Variants in KCNB2 observed in about 807,000 individuals in gnomAD.
The protein encoded by KCNB2 is potassium voltage-gated channel subfamily B member 2.
In KCNB2, 15 loss-of-function variants were observed where a neutral mutation model predicts 61.5. The ratio of observed to expected loss-of-function variants is 0.24; its 90% CI spans 0.16 to 0.38. The LOEUF is 0.38. KCNB2 is among the 10% of genes least tolerant of loss of function. The pLI is 1.00. For synonymous variants in KCNB2, 457 were observed against 446.0 expected, an observed-to-expected ratio of 1.02 and a Z score of -0.31; for missense variants, 828 against 1,125.2, an observed-to-expected ratio of 0.74 and a Z score of 3.78.
chr8:72,638,829 A>G (rs900819974), intron 2 of KCNB2, among the ~76,000 whole-genome samples: 13 of 152,152 alleles, frequency 8.5e-5, no homozygotes, highest in Non-Finnish European at 1.8e-4. Context: ...CTTTCCCACT[A>G]CATTGCATTG....
chr8:72,593,076 A>G (rs1171635239), intron 2 of KCNB2, among the ~76,000 whole-genome samples: 4 of 152,180 alleles, frequency 2.6e-5, no homozygotes, highest in African/African-American at 9.7e-5. Flanking sequence ...ATATAAAAGG[A>G]AATTTGCTTT....
chr8:72,653,720 T>G (rs528587019), intron 2 of KCNB2, among the ~76,000 whole-genome samples: 1 of 152,298 alleles, frequency 6.6e-6, no homozygotes, highest in East Asian at 1.9e-4. Flanking sequence ...ACAGCAAAGT[T>G]GAATCGTCAT....
chr8:72,769,696 C>A (rs1428726199), intron 2 of KCNB2, among the ~76,000 whole-genome samples: 1 of 152,060 alleles, frequency 6.6e-6, no homozygotes, highest in African/African-American at 2.4e-5. Context: ...CTGCATGCCT[C>A]CTGTGGAGTT....
intron 2 of KCNB2, among the ~76,000 whole-genome samples, chr8:72,804,272 A>G (rs2128999960): frequency 6.6e-6 from 1 of 152,294 alleles, no homozygotes; most frequent in Middle Eastern, 3.4e-3. Context: ...GAGCAAGTAT[A>G]CCTGCCTTCC....
At position 72,792,815 on chromosome 8, in the gene KCNB2, C is replaced by T. The variant is rs186943932; in HGVS notation, c.580-143120C>T. Among the ~76,000 whole-genome samples, 1,308 of 152,270 alleles carry T rather than the reference C, an allele frequency of 8.6e-3. 9 individuals are homozygous for T. Among genetic ancestry groups the T allele is most frequent in the Middle Eastern group, 0.024 (7 of 294 alleles). On this transcript the variant is annotated intron_variant, in intron 2 of 2. Transcript: ENST00000523207. ...ACCCAGTTAAGTATCTTACCTTGAT[C>T]TTTTATATAATGTCAGCCATATGGA...
chr8:72,808,902 G>T (rs1482251601), intron 2 of KCNB2, among the ~76,000 whole-genome samples: 1 of 152,056 alleles, frequency 6.6e-6, no homozygotes, highest in African/African-American at 2.4e-5. Context: ...TTGGAGTTTT[G>T]TGAAGATGAG....
intron 2 of KCNB2, among the ~76,000 whole-genome samples, chr8:72,922,346 ACT>A (rs145865653): frequency 6.6e-6 from 1 of 152,160 alleles, no homozygotes; most frequent in East Asian, 1.9e-4. Context: ...ATAAGATCAC[ACT>A]CTGAGCTTTT....
At chr8:72,754,202 C>T (rs1175376208) in intron 2 of KCNB2, among the ~76,000 whole-genome samples, 1 of 152,158 alleles carries the variant, frequency 6.6e-6, no homozygotes, top group African/African-American at 2.4e-5. Context: ...AGACCAGAAC[C>T]TGAGGTACCA....
At chr8:72,579,312 C>G (rs936614575) in intron 2 of KCNB2, among the ~76,000 whole-genome samples, 58 of 152,124 alleles carry the variant, frequency 3.8e-4, no homozygotes, top group African/African-American at 1.4e-3. Flanking sequence ...GGTTGTAAAT[C>G]TTTTCATGAG....
intron 2 of KCNB2, among the ~76,000 whole-genome samples, chr8:72,753,978 G>A (rs980497960): frequency 5.9e-5 from 9 of 152,088 alleles, no homozygotes; most frequent in African/African-American, 4.8e-5. Flanking sequence ...GAGGGGAGGC[G>A]CCTGCAGTTC....
chr8:72,816,357 T>G (rs1412748440), intron 2 of KCNB2, among the ~76,000 whole-genome samples: 1 of 152,200 alleles, frequency 6.6e-6, no homozygotes, highest in African/African-American at 2.4e-5. Context: ...TCCCTTTCAG[T>G]TGAAGCAAGG....
intron 2 of KCNB2, among the ~76,000 whole-genome samples, chr8:72,890,820 T>C (rs1585955847): frequency 1.3e-5 from 2 of 152,314 alleles, no homozygotes; most frequent in South Asian, 2.1e-4. Flanking sequence ...TAAACAACGA[T>C]AGATGTAGTT....
At chr8:72,728,188 C>A (rs988386271) in intron 2 of KCNB2, among the ~76,000 whole-genome samples, 1 of 152,142 alleles carries the variant, frequency 6.6e-6, no homozygotes, top group South Asian at 2.1e-4. Context: ...GTTTTCCAGA[C>A]ATTTCTGCTC....
chr8:72,905,324 C>A (rs1806158495), intron 2 of KCNB2, among the ~76,000 whole-genome samples: 1 of 152,048 alleles, frequency 6.6e-6, no homozygotes. Context: ...CTAAAATATC[C>A]CCAGTTCCCA....
Position 72,936,038 on chromosome 8 carries a change from A to G in KCNB2, c.683A>G (p.Asn228Ser), listed in dbSNP as rs1436214825. The G allele has an allele frequency of 1.9e-6, 3 of 1,614,204 alleles. No homozygotes were observed. The highest frequency in any genetic ancestry group is 2.2e-5 in the East Asian group (1 of 44,872). The change falls in exon 3 of 3, where the codon AAT becomes AGT. Residue 228 changes from asparagine to serine, a missense_variant. Asn to Ser is a conservative substitution (Grantham distance 46). This residue lies in a region of KCNB2 where 163 missense variants were observed against 314.4 expected (regional missense o/e 0.52). Coordinates refer to ENST00000523207, the MANE Select transcript of KCNB2 (RefSeq NM_004770.3). This position sits in a 1 kb window ranked among gnomAD's most constrained non-coding sequence, Gnocchi z 5.6. ...GAAACGGACGAATTTGGACAACTCAATGACAACCGCCAATTAGCACACGTG... is the reference window on the plus strand; with the variant it reads ...GAAACGGACGAATTTGGACAACTCAGTGACAACCGCCAATTAGCACACGTG... ...LQETDEFGQLNDNRQLAHVEA... is the reference protein window; with the variant it reads ...LQETDEFGQLSDNRQLAHVEA...
chr8:72,681,070 T>C (rs1806742019), intron 2 of KCNB2, among the ~76,000 whole-genome samples: 1 of 152,160 alleles, frequency 6.6e-6, no homozygotes, highest in Admixed American at 6.5e-5. Context: ...CAACTGGTTT[T>C]ATATTAAAGA....
intron 2 of KCNB2, among the ~76,000 whole-genome samples, chr8:72,893,714 C>T (rs1172403657): frequency 1.3e-5 from 2 of 152,086 alleles, no homozygotes; most frequent in Non-Finnish European, 2.9e-5. Context: ...AAATGACTAG[C>T]CAGTTTCTTT....
At chr8:72,812,100 A>G (rs1378196888) in intron 2 of KCNB2, among the ~76,000 whole-genome samples, 1 of 152,080 alleles carries the variant, frequency 6.6e-6, no homozygotes, top group Non-Finnish European at 1.5e-5. Context: ...CGTCTCTACT[A>G]AAAATACAAA....
chr8:72,665,096 G>A (rs979250168), intron 2 of KCNB2, among the ~76,000 whole-genome samples: 9 of 152,194 alleles, frequency 5.9e-5, no homozygotes, highest in South Asian at 2.1e-4. Flanking sequence ...GAAAGCCACC[G>A]GAGGGTATTG....
Sources: allele counts gnomAD v4.1 joint callset (sites outside exome capture counted in the v4.1 genomes callset), GRCh38; gene constraint gnomAD v4.1.1; regional missense constraint gnomAD v4.1.1; non-coding constraint Gnocchi (gnomAD v3.1); transcripts MANE v1.5; gene names NCBI Gene and HGNC (gene_info 2026-07-23, HGNC 2026-07-21).